The following ADAM18 variants were observed in gnomAD, a reference collection of about 807,000 sequenced individuals.
The protein encoded by ADAM18 is ADAM metallopeptidase domain 18, also known as disintegrin and metalloproteinase domain-containing protein 18.
Under a neutral mutation model 94.4 loss-of-function variants are expected in ADAM18, and 117 were observed. That is an observed-to-expected ratio of 1.24 (90% CI 1.07 to 1.45). ADAM18 has a LOEUF of 1.45. ADAM18 is among the 40% of genes most tolerant of loss of function. The probability of loss-of-function intolerance (pLI) is 0.00; values close to 1 mark genes in which losing one functional copy is unlikely to be tolerated. For synonymous variants in ADAM18, 327 were observed against 291.6 expected, an observed-to-expected ratio of 1.12 and a Z score of -1.24; for missense variants, 936 against 880.0, an observed-to-expected ratio of 1.06 and a Z score of -0.81.
chr8:39,674,912 G>T (rs1821258948), intron 14 of ADAM18, among the ~76,000 whole-genome samples: 1 of 152,150 alleles, frequency 6.6e-6, no homozygotes, highest in Admixed American at 6.5e-5. Flanking sequence ...GAAATTCTGG[G>T]TTGAAAATTC....
At chr8:39,625,001 A>G (rs528146460) in intron 6 of ADAM18, among the ~76,000 whole-genome samples, 1 of 152,298 alleles carries the variant, frequency 6.6e-6, no homozygotes, top group Non-Finnish European at 1.5e-5. Flanking sequence ...AGAATGGACT[A>G]ATAAAATTGC....
intron 12 of ADAM18, among the ~76,000 whole-genome samples, chr8:39,663,425 C>CAAAA (rs374386277): frequency 9.7e-6 from 1 of 102,816 alleles, no homozygotes; most frequent in Non-Finnish European, 1.8e-5. Context: ...CTAGTCTTTA[C>CAAAA]AAAAAAAAAA....
intron 14 of ADAM18, among the ~76,000 whole-genome samples, chr8:39,671,154 G>T (rs905030287): frequency 6.6e-6 from 1 of 152,236 alleles, no homozygotes; most frequent in South Asian, 2.1e-4. Context: ...TGAGAGTGGA[G>T]TGAGTAAATA....
intron 2 of ADAM18, among the ~76,000 whole-genome samples, chr8:39,588,820 T>C (rs1480973436): frequency 6.6e-6 from 1 of 152,230 alleles, no homozygotes; most frequent in Non-Finnish European, 1.5e-5. Flanking sequence ...TTTAGGAGGT[T>C]GTTAAAGTAC....
intron 12 of ADAM18, among the ~76,000 whole-genome samples, chr8:39,661,638 A>G (rs997054129): frequency 6.6e-6 from 1 of 151,998 alleles, no homozygotes; most frequent in African/African-American, 2.4e-5. Flanking sequence ...AAACAGTATC[A>G]GTACTTTATT....
intron 12 of ADAM18, among the ~76,000 whole-genome samples, chr8:39,656,934 T>C (rs1275821787): frequency 6.6e-6 from 1 of 152,206 alleles, no homozygotes; most frequent in African/African-American, 2.4e-5. Context: ...GCACTACTGT[T>C]GGTAGTGAAA....
At chr8:39,604,924 G>T (rs774540319) in intron 2 of ADAM18, among the ~76,000 whole-genome samples, 2 of 151,170 alleles carry the variant, frequency 1.3e-5, no homozygotes, top group African/African-American at 4.9e-5. Context: ...AAGTTAGATA[G>T]ATTTTTATTG....
chr8:39,711,571 G>A (rs1822401481), intron 18 of ADAM18, among the ~76,000 whole-genome samples: 1 of 152,048 alleles, frequency 6.6e-6, no homozygotes, highest in South Asian at 2.1e-4. Context: ...ATTACTAAAT[G>A]GAACTGAACA....
chr8:39,609,036 T>C lies in ADAM18; in HGVS notation c.189-6T>C. On this transcript the variant is annotated splice_region_variant and splice_polypyrimidine_tract_variant and intron_variant, in intron 3 of 19. Transcript: ENST00000265707. The stretch of plus-strand genomic sequence containing the variant: ...CATACTTTTTTATTATTTCTTGGTT[T>C]TTTAGATCATTCTTACCCCAGAACT... 6.6e-7 allele frequency: 1 copy of C among 1,520,596 alleles called. No individual in the cohort carries two copies. The highest frequency in any genetic ancestry group is 8.9e-7 in the Non-Finnish European group (1 of 1,118,492). 94.2% of individuals were successfully genotyped at this position (1,520,596 alleles called of 1,614,324 possible).
Position 39,648,326 on chromosome 8 carries a change from A to C in ADAM18, c.1047-18A>C. ...ATTAGCCAGGCTTATTTGCCTGAGG[A>C]ATATTATTTTATTTTAGGAGTGCCA... On this transcript the variant is annotated intron_variant, in intron 11 of 19. Transcript: ENST00000265707. 1 of 1,558,914 alleles carries C rather than the reference A, an allele frequency of 6.4e-7. No homozygotes were observed. The highest frequency in any genetic ancestry group is 1.9e-5 in the Admixed American group (1 of 52,296).
chr8:39,641,389 A>T (rs1226020740), intron 10 of ADAM18, among the ~76,000 whole-genome samples: 1 of 152,046 alleles, frequency 6.6e-6, no homozygotes, highest in East Asian at 1.9e-4. Flanking sequence ...TGTTTTGGTT[A>T]CTGTAGCTTT....
chr8:39,638,478 C>T lies in ADAM18; in HGVS notation c.841C>T (p.Pro281Ser), dbSNP rs200728348. Residue 281 changes from proline (P) to serine (S), a missense_variant, in exon 10 of 20, where the codon CCT becomes TCT. Coordinates refer to ENST00000265707, the MANE Select transcript of ADAM18 (RefSeq NM_014237.3). ...IAYLLVYRKH[P>S]KYVGATFPGT... ...ATAATAATGTAGTTACAGGAAACAT[C>T]CTAAATATGTGGGAGCAACATTTCC... is the stretch of plus-strand genomic sequence containing the variant. The T allele has an allele frequency of 4.5e-6, 7 of 1,559,872 alleles. No individual in the cohort carries two copies. The East Asian group carries it at 1.6e-4, about 36-fold the overall frequency.
At chr8:39,680,418 T>C (rs1198104962) in intron 16 of ADAM18, among the ~76,000 whole-genome samples, 192 bp downstream of exon 16, 2 of 152,322 alleles carry the variant, frequency 1.3e-5, no homozygotes, top group East Asian at 3.9e-4. Flanking sequence ...TGGATTAAAA[T>C]ATTATCAGTC....
At chr8:39,601,275 G>C (rs1818894904) in intron 2 of ADAM18, among the ~76,000 whole-genome samples, 2 of 152,220 alleles carry the variant, frequency 1.3e-5, no homozygotes, top group Admixed American at 1.3e-4. Flanking sequence ...CTGCTGCACT[G>C]TCTTCTGTCT....
chr8:39,723,959 C>A, intron 19 of ADAM18, 52 bp downstream of exon 19: 3 of 1,119,498 alleles, frequency 2.7e-6, no homozygotes, highest in Admixed American at 3.0e-5. Flanking sequence ...TAGTCATTAA[C>A]CAGTGTCATG....
intron 17 of ADAM18, among the ~76,000 whole-genome samples, chr8:39,701,980 T>G (rs1000257476): frequency 4.6e-5 from 7 of 152,198 alleles, no homozygotes; most frequent in Non-Finnish European, 5.9e-5. Flanking sequence ...ATAGAATGAG[T>G]TACATTCCTT....
At chr8:39,701,082 C>A (rs1385441130) in intron 17 of ADAM18, among the ~76,000 whole-genome samples, 2 of 117,230 alleles carry the variant, frequency 1.7e-5, no homozygotes, top group Non-Finnish European at 3.3e-5. Flanking sequence ...CCCGCCACTG[C>A]ACTCCAGCCT....
At chr8:39,669,276 T>C (rs1033113441) in intron 14 of ADAM18, among the ~76,000 whole-genome samples, 11 of 150,680 alleles carry the variant, frequency 7.3e-5, no homozygotes, top group Non-Finnish European at 1.6e-4. Context: ...TTCTTTTTTG[T>C]TTTTTTTAAA....
At chr8:39,675,626 C>G (rs578169654) in intron 14 of ADAM18, among the ~76,000 whole-genome samples, 1 of 152,320 alleles carries the variant, frequency 6.6e-6, no homozygotes, top group South Asian at 2.1e-4. Flanking sequence ...TTACTTCTGT[C>G]AACTCATCAA....
Sources: gnomAD v4.1 joint callset for allele counts (sites outside exome capture counted in the v4.1 genomes callset) on GRCh38, gnomAD v4.1.1 for gene constraint, MANE v1.5 for transcripts, NCBI Gene and HGNC (gene_info 2026-07-23, HGNC 2026-07-21) for gene names.